DNAJC5: variants seen among roughly 807,000 people sequenced by gnomAD.
The protein encoded by DNAJC5 is dnaJ homolog subfamily C member 5.
A neutral mutation model predicts 23.2 loss-of-function variants in DNAJC5; 1 was observed. That is an observed-to-expected ratio of 0.04 (90% CI 0.02 to 0.20). DNAJC5 has a LOEUF of 0.20. DNAJC5 is among the 10% of genes least tolerant of loss of function. DNAJC5 has a pLI of 1.00. For synonymous variants in DNAJC5, 136 were observed against 120.0 expected (o/e 1.13, Z -0.87); for missense variants, 180 against 267.0 (o/e 0.67, Z 2.27).
chr20:63,904,340 G>A (rs2053433550), intron 1 of DNAJC5, among the ~76,000 whole-genome samples: 1 of 152,188 alleles, frequency 6.6e-6, no homozygotes, highest in African/African-American at 2.4e-5. Context: ...TGTTGGTGCT[G>A]TTTTCTCTTG....
rs1477486908 is a variant in DNAJC5 at position 63,929,187 on chromosome 20, T to C, written c.108-125T>C. The C allele has an allele frequency of 8.9e-7, 1 of 1,123,904 alleles. No individual in the cohort carries two copies. The highest frequency in any genetic ancestry group is 1.6e-5 in the African/African-American group (1 of 64,448). 69.6% of individuals were successfully genotyped at this position (1,123,904 alleles called of 1,614,324 possible). ...CCTGCAGCCCTGGAGAGTCGGACAG[T>C]GAGGTGGCCTGGGTGGACCTGCCTT... On this transcript the variant is annotated intron_variant, in intron 2 of 4. Transcript: ENST00000360864. This position sits in a 1 kb window ranked among gnomAD's most constrained non-coding sequence, Gnocchi z 8.6.
At chr20:63,897,736 G>A (rs2053384495) in intron 1 of DNAJC5, among the ~76,000 whole-genome samples, 1 of 152,202 alleles carries the variant, frequency 6.6e-6, no homozygotes, top group African/African-American at 2.4e-5. Context: ...TCTTAATTCA[G>A]GAGGACTGCC....
At chr20:63,901,388 C>G (rs903663338) in intron 1 of DNAJC5, among the ~76,000 whole-genome samples, 3 of 152,244 alleles carry the variant, frequency 2.0e-5, no homozygotes, top group African/African-American at 7.2e-5. Context: ...GCGCGGCTGA[C>G]TTCGGGGAGA....
chr20:63,912,354 C>G (rs1348111527), intron 1 of DNAJC5, among the ~76,000 whole-genome samples: 1 of 151,402 alleles, frequency 6.6e-6, no homozygotes, highest in African/African-American at 2.4e-5. Flanking sequence ...ATGTGGCACA[C>G]AGCGTCTTTT....
intron 1 of DNAJC5, among the ~76,000 whole-genome samples, chr20:63,902,085 T>C (rs1305778009): frequency 6.6e-6 from 1 of 152,030 alleles, no homozygotes; most frequent in Non-Finnish European, 1.5e-5. Context: ...GACAGAGTCT[T>C]GTGCTGTCGC....
intron 1 of DNAJC5, among the ~76,000 whole-genome samples, chr20:63,922,992 T>G (rs981843936): frequency 8.6e-5 from 13 of 150,618 alleles, no homozygotes; most frequent in African/African-American, 2.9e-4. Flanking sequence ...AATACAAAAA[T>G]TAGCCAGGCG....
At chr20:63,900,536 C>T (rs537701535) in intron 1 of DNAJC5, among the ~76,000 whole-genome samples, 98 of 144,786 alleles carry the variant, frequency 6.8e-4, no homozygotes, top group African/African-American at 2.5e-3. Context: ...ATGATTGCTC[C>T]ACTGCACTCC....
rs563818595 is a variant in DNAJC5 at position 63,895,147 on chromosome 20, TCCGCTGCCGCTG to T, written c.-172_-161del. The T allele has an allele frequency of 3.7e-4, 57 of 154,146 alleles. No homozygotes were observed. Among genetic ancestry groups the T allele is most frequent in the Middle Eastern group, 3.4e-3 (1 of 298 alleles). The allele number at this position is 154,146 out of a possible 1,614,324, so 9.5% of individuals were successfully genotyped here. A position where few individuals can be genotyped will look rare whatever the true frequency, so the allele number is the denominator to read the frequency against. ...GGGTGCGTGCGTGAGCGTGCTCGTC[TCCGCTGCCGCTG>T]CCGCTGCCGCTGCCGGTGCCGCACC... On this transcript the variant is annotated 5_prime_UTR_variant, in exon 1 of 5. Coordinates refer to ENST00000360864, the MANE Select transcript of DNAJC5 (RefSeq NM_025219.3).
chr20:63,902,044 A>C (rs1401628125), intron 1 of DNAJC5, among the ~76,000 whole-genome samples: 1 of 152,042 alleles, frequency 6.6e-6, no homozygotes, highest in Non-Finnish European at 1.5e-5. Context: ...GTGTTCTTTA[A>C]AATAATAATG....
chr20:63,928,219 C>T lies in DNAJC5; in HGVS notation c.-11-116C>T. 2.4e-6 allele frequency: 2 copies of T among 851,008 alleles called. No individual in the cohort carries two copies. Among genetic ancestry groups the T allele is most frequent in the Non-Finnish European group, 3.8e-6 (2 of 521,830 alleles). The allele number at this position is 851,008 out of a possible 1,614,324, so 52.7% of individuals were successfully genotyped here. ...CTGTCTGTGCACGTGGCAAACTCCA[C>T]AAGGCAGTGTTGGATTCTTTTGCTT... On this transcript the variant is annotated intron_variant, in intron 1 of 4. Coordinates refer to ENST00000360864, the MANE Select transcript of DNAJC5 (RefSeq NM_025219.3). This position sits in a 1 kb window ranked among gnomAD's most constrained non-coding sequence, Gnocchi z 4.6.
At chr20:63,915,167 G>A (rs2053507949) in intron 1 of DNAJC5, among the ~76,000 whole-genome samples, 1 of 152,068 alleles carries the variant, frequency 6.6e-6, no homozygotes, top group Non-Finnish European at 1.5e-5. Context: ...CCAAGCCCAG[G>A]CCAACTCCTG....
chr20:63,928,337 T>A lies in DNAJC5; in HGVS notation c.-9T>A. ...TTTCTTTTTATTTTTTCTTCTAGAA[T>A]AGCCTAACATGGCAGACCAGAGACA... is the stretch of plus-strand genomic sequence containing the variant. On this transcript the variant is annotated splice_region_variant and 5_prime_UTR_variant, in exon 2 of 5. Transcript: ENST00000360864. The surrounding 1 kb of genome is among the most constrained non-coding windows in gnomAD (Gnocchi z 4.6). The A allele has an allele frequency of 6.2e-7, 1 of 1,611,716 alleles. No individual in the cohort carries two copies. The highest frequency in any genetic ancestry group is 1.7e-5 in the Admixed American group (1 of 60,024).
At chr20:63,897,343 G>A (rs1263322399) in intron 1 of DNAJC5, among the ~76,000 whole-genome samples, 1 of 151,806 alleles carries the variant, frequency 6.6e-6, no homozygotes, top group African/African-American at 2.4e-5. Flanking sequence ...GCAGTGAGCC[G>A]AGATCGCGCC....
intron 1 of DNAJC5, among the ~76,000 whole-genome samples, chr20:63,926,634 T>G (rs557936482): frequency 6.6e-6 from 1 of 152,308 alleles, no homozygotes; most frequent in East Asian, 1.9e-4. Context: ...AGTGGGATAA[T>G]AACAGTCCAA....
intron 1 of DNAJC5, among the ~76,000 whole-genome samples, chr20:63,927,264 C>T (rs1003259766): frequency 2.0e-5 from 3 of 152,018 alleles, no homozygotes; most frequent in African/African-American, 2.4e-5. Flanking sequence ...CACCTATAAC[C>T]CCAGCACTGT....
At position 63,928,805 on chromosome 20, in the gene DNAJC5, C is replaced by T. The variant is rs962072480; in HGVS notation, c.107+353C>T. 3.3e-5 allele frequency among the ~76,000 whole-genome samples: 5 copies of T among 152,164 alleles called. No homozygotes were observed. Among genetic ancestry groups the T allele is most frequent in the Admixed American group, 2.0e-4 (3 of 15,272 alleles). On this transcript the variant is annotated intron_variant, in intron 2 of 4. Coordinates refer to ENST00000360864, the MANE Select transcript of DNAJC5 (RefSeq NM_025219.3). This position sits in a 1 kb window ranked among gnomAD's most constrained non-coding sequence, Gnocchi z 4.6. ...TAGCACAGTGATGACAGAGACCCCTCACTCTGTTGTGGCCTTCTGATTGAG... is the reference window on the plus strand; with the variant it reads ...TAGCACAGTGATGACAGAGACCCCTTACTCTGTTGTGGCCTTCTGATTGAG...
At position 63,932,058 on chromosome 20, in the gene DNAJC5, T is replaced by G; in HGVS notation, c.*490T>G. The G allele has an allele frequency of 4.0e-6, 1 of 248,758 alleles. No individual in the cohort carries two copies. Among genetic ancestry groups the G allele is most frequent in the South Asian group, 4.5e-5 (1 of 22,436 alleles). The allele number at this position is 248,758 out of a possible 1,614,324, so 15.4% of individuals were successfully genotyped here. A position where few individuals can be genotyped will look rare whatever the true frequency, so the allele number is the denominator to read the frequency against. ...GGTCCACACTCTGTGCTCCCAGCCT[T>G]GAGGCTGCAGTAGGACTCTGATCTC... On this transcript the variant is annotated 3_prime_UTR_variant, in exon 5 of 5. Coordinates refer to ENST00000360864, the MANE Select transcript of DNAJC5 (RefSeq NM_025219.3). The surrounding 1 kb of genome is among the most constrained non-coding windows in gnomAD (Gnocchi z 4.4).
At chr20:63,914,925 A>G (rs1269671503) in intron 1 of DNAJC5, among the ~76,000 whole-genome samples, 1 of 152,174 alleles carries the variant, frequency 6.6e-6, no homozygotes, top group Non-Finnish European at 1.5e-5. Flanking sequence ...CAGAGTGTGT[A>G]GCTTTTGTAA....
intron 1 of DNAJC5, among the ~76,000 whole-genome samples, chr20:63,905,882 G>A (rs2053445704): frequency 6.6e-6 from 1 of 151,886 alleles, no homozygotes; most frequent in South Asian, 2.1e-4. Flanking sequence ...TTACAGGCAC[G>A]TGCCACCTCA....
Sources: gnomAD v4.1 joint callset for allele counts (sites outside exome capture counted in the v4.1 genomes callset) on GRCh38, gnomAD v4.1.1 for gene constraint, Gnocchi (gnomAD v3.1) non-coding constraint, MANE v1.5 for transcripts, NCBI Gene and HGNC (gene_info 2026-07-23, HGNC 2026-07-21) for gene names.